SEMA4B: variants seen among roughly 807,000 people sequenced by gnomAD.
The protein encoded by SEMA4B is semaphorin 4B, also known as semaphorin-4B.
SEMA4B carries 55 observed loss-of-function variants against 88.1 expected under a neutral mutation model. The ratio of observed to expected loss-of-function variants is 0.62; its 90% CI spans 0.50 to 0.78. SEMA4B has a LOEUF of 0.78. Among genes scored for constraint, SEMA4B ranks in the 30% least tolerant of loss-of-function variants. SEMA4B has a pLI of 0.00. For missense variants in SEMA4B, 1,062 were observed against 1,111.9 expected (o/e 0.96, Z 0.64); for synonymous variants, 525 against 473.6 (o/e 1.11, Z -1.41).
chr15:90,220,839 C>T (rs1000824182), intron 4 of SEMA4B, 143 bp from the exon 5 acceptor site: 12 of 627,142 alleles, frequency 1.9e-5, no homozygotes, highest in African/African-American at 7.3e-5. Context: ...AGGAGGACGG[C>T]GTCCCTGACA....
Position 90,225,063 on chromosome 15 carries a change from C to G in SEMA4B, c.1290C>G (p.Asp430Glu), listed in dbSNP as rs759725332. The G allele has an allele frequency of 1.9e-6, 3 of 1,613,848 alleles. No individual in the cohort carries two copies. The highest frequency in any genetic ancestry group is 4.5e-5 in the East Asian group (2 of 44,886). The change falls in exon 10 of 14, where the codon GAC becomes GAG. Residue 430 changes from aspartate to glutamate, a missense_variant. Asp to Glu is a conservative substitution (Grantham distance 45, BLOSUM62 2). Transcript: ENST00000411539. ...TCCTCAAGGACCACTTCCTGATGGA[C>G]GGGCAGGTCCGAAGCCGCATGCTGC... ...LNFLKDHFLM[D>E]GQVRSRMLLL...
chr15:90,201,726 C>T lies in SEMA4B; in HGVS notation c.148C>T (p.Leu50=). Reference sequence around the variant, plus strand: ...CTGGGCGCTCAGCCCCCGGATCAGCCTGCCTCTGGGTGAGTGCCGGGGACC... The same window carrying T: ...CTGGGCGCTCAGCCCCCGGATCAGCTTGCCTCTGGGTGAGTGCCGGGGACC... ...PTWALSPRIS[L]PLGSEERPFL... The change falls in exon 1 of 14, where the codon CTG becomes TTG. Residue 50 remains leucine (L), a synonymous_variant. Coordinates refer to ENST00000411539, the MANE Select transcript of SEMA4B (RefSeq NM_198925.4). The T allele has an allele frequency of 1.4e-6, 2 of 1,472,342 alleles. No individual in the cohort carries two copies. Among genetic ancestry groups the T allele is most frequent in the Non-Finnish European group, 1.8e-6 (2 of 1,116,772 alleles). 91.2% of individuals were successfully genotyped at this position (1,472,342 alleles called of 1,614,324 possible). A position where few individuals can be genotyped will look rare whatever the true frequency, so the allele number is the denominator to read the frequency against.
At chr15:90,215,901 C>G (rs1040620522) in intron 1 of SEMA4B, among the ~76,000 whole-genome samples, 1 of 152,152 alleles carries the variant, frequency 6.6e-6, no homozygotes, top group Non-Finnish European at 1.5e-5. Context: ...GCAAAAACGT[C>G]TGTCCTCCCT....
At chr15:90,211,173 G>A (rs1362420284) in intron 1 of SEMA4B, among the ~76,000 whole-genome samples, 2 of 152,224 alleles carry the variant, frequency 1.3e-5, no homozygotes, top group African/African-American at 4.8e-5. Flanking sequence ...GCGTGTCCCT[G>A]TGTAGACCTG....
chr15:90,196,577 C>T (rs1960514782), upstream of SEMA4B, among the ~76,000 whole-genome samples: 1 of 152,172 alleles, frequency 6.6e-6, no homozygotes, highest in Non-Finnish European at 1.5e-5. Context: ...ACCTCCGCCT[C>T]TTGAGTTCAA....
chr15:90,201,327 G>T (rs1030608785), upstream of SEMA4B: 1 of 1,189,112 alleles, frequency 8.4e-7, no homozygotes, highest in South Asian at 4.0e-5. Flanking sequence ...CCCGCCCTCC[G>T]CCGCTTGCGG....
chr15:90,217,179 T>G (rs1379581307), intron 1 of SEMA4B: 2 of 353,926 alleles, frequency 5.7e-6, no homozygotes, highest in Non-Finnish European at 1.0e-5. Flanking sequence ...ACTCTTTGGT[T>G]TTCAGTTTTT....
chr15:90,217,146 C>T, intron 1 of SEMA4B: 1 of 271,570 alleles, frequency 3.7e-6, no homozygotes, highest in East Asian at 7.5e-5. Context: ...TTTATTTTGA[C>T]AAGGTCCCCT....
intron 1 of SEMA4B, among the ~76,000 whole-genome samples, chr15:90,205,985 C>T (rs2151599048): frequency 6.6e-6 from 1 of 152,326 alleles, no homozygotes; most frequent in Middle Eastern, 3.4e-3. Context: ...GCTCTGCCTT[C>T]AGCACAACCC....
chr15:90,221,336 G>T, intron 5 of SEMA4B, 31 bp from the exon 6 acceptor site: 3 of 1,489,926 alleles, frequency 2.0e-6, no homozygotes, highest in Non-Finnish European at 2.7e-6. Flanking sequence ...GTGCTGAGGA[G>T]CCCATTCCCA....
chr15:90,220,477 C>T (rs557274105), intron 4 of SEMA4B, among the ~76,000 whole-genome samples: 2 of 149,728 alleles, frequency 1.3e-5, no homozygotes, highest in Non-Finnish European at 3.0e-5. Context: ...ACGCCATTCT[C>T]CTGCCTCAGC....
At chr15:90,223,804 G>A in intron 8 of SEMA4B, 34 bp from the exon 9 acceptor site, 1 of 1,609,112 alleles carries the variant, frequency 6.2e-7, no homozygotes, top group African/African-American at 1.3e-5. Flanking sequence ...GGGCCCCCAG[G>A]GCTCCTGGGT....
At position 90,212,077 on chromosome 15, in the gene SEMA4B, A is replaced by G. The variant is rs566194369; in HGVS notation, c.158-5362A>G. 7.4e-4 allele frequency among the ~76,000 whole-genome samples: 112 copies of G among 152,022 alleles called. No individual in the cohort carries two copies. The highest frequency in any genetic ancestry group is 2.7e-3 in the Admixed American group (41 of 15,268). ...AGAGCTCCAGGCTTCCGGCTGAGTC[A>G]CAGGGAAGGAGGACCCTTACATGGG... On this transcript the variant is annotated intron_variant, in intron 1 of 13. Transcript: ENST00000411539. The surrounding 1 kb of genome is among the most constrained non-coding windows in gnomAD (Gnocchi z 4.0).
At chr15:90,218,001 C>T (rs1445106968) in intron 3 of SEMA4B, 172 bp downstream of exon 3, 1 of 585,278 alleles carries the variant, frequency 1.7e-6, no homozygotes, top group South Asian at 2.0e-5. Context: ...ACTTACATCG[C>T]TACGACCTTC....
At chr15:90,220,524 C>T (rs540316948) in intron 4 of SEMA4B, among the ~76,000 whole-genome samples, 4 of 151,798 alleles carry the variant, frequency 2.6e-5, no homozygotes, top group Admixed American at 6.6e-5. Context: ...CCCGCCACCA[C>T]GCCTGGCTAA....
chr15:90,185,168 C>A (rs1473482509), intron 1 of SEMA4B: 2 of 708,106 alleles, frequency 2.8e-6, no homozygotes, highest in South Asian at 6.3e-5. Context: ...CCGCTGCCCC[C>A]ACCCTTGCAC....
chr15:90,184,991 C>G (rs1960121387), exon 1 of SEMA4B: 3 of 985,700 alleles, frequency 3.0e-6, no homozygotes, highest in South Asian at 4.7e-5. Context: ...TGCGCCGGGC[C>G]GGCCTGGCAA....
chr15:90,186,190 T>C (rs975127072), intron 1 of SEMA4B, among the ~76,000 whole-genome samples: 1 of 152,056 alleles, frequency 6.6e-6, no homozygotes, highest in African/African-American at 2.4e-5. Context: ...CACTTTGGCC[T>C]CCCAATGTGC....
chr15:90,223,841 C>T lies in SEMA4B; in HGVS notation c.1047C>T (p.His349=), dbSNP rs765772770. The change falls in exon 9 of 14, where the codon CAC becomes CAT. Residue 349 remains histidine, a synonymous_variant. Coordinates refer to ENST00000411539, the MANE Select transcript of SEMA4B (RefSeq NM_198925.4). Reference sequence around the variant, plus strand: ...AATCTGGTTATTTCCTCTGCAGGCACAGGGGAACTACAGAAGGCTCTGCCG... The same window carrying T: ...AATCTGGTTATTTCCTCTGCAGGCATAGGGGAACTACAGAAGGCTCTGCCG... ...LFYGVFTSQW[H]RGTTEGSAVC... is the part of the protein sequence containing the mutation. The T allele has an allele frequency of 4.3e-6, 7 of 1,613,870 alleles. 1 individual carries two copies. The South Asian group carries it at 6.6e-5, about 15-fold the overall frequency.
Sources: gnomAD v4.1 joint callset for allele counts (sites outside exome capture counted in the v4.1 genomes callset) on GRCh38, gnomAD v4.1.1 for gene constraint, Gnocchi (gnomAD v3.1) non-coding constraint, MANE v1.5 for transcripts, NCBI Gene and HGNC (gene_info 2026-07-23, HGNC 2026-07-21) for gene names.